TMEM272: variants seen among roughly 807,000 people sequenced by gnomAD.
TMEM272 encodes the protein transmembrane protein 272, also known as long intergenic non-protein coding RNA 282.
Under a neutral mutation model 3.7 loss-of-function variants are expected in TMEM272, and 8 were observed. The observed-to-expected ratio is 2.17, with a 90% CI of 1.27 to 3.91. TMEM272 has a LOEUF of 3.91. TMEM272 is among the 30% of genes most tolerant of loss of function. The pLI is 0.00. For synonymous variants in TMEM272, 63 were observed against 39.8 expected, an observed-to-expected ratio of 1.58 and a Z score of -2.20; for missense variants, 166 against 91.5, an observed-to-expected ratio of 1.81 and a Z score of -3.32.
chr13:51,930,024 T>C, the TMEM272 span, among the ~76,000 whole-genome samples: 3 of 152,204 alleles, frequency 2.0e-5, no homozygotes, highest in African/African-American at 7.2e-5. Context: ...CAGGAAGGCT[T>C]TGCTCCCTCC....
At chr13:51,907,640 A>G in the TMEM272 span, among the ~76,000 whole-genome samples, 2 of 152,168 alleles carry the variant, frequency 1.3e-5, no homozygotes, top group Non-Finnish European at 2.9e-5. Flanking sequence ...GCTCTTGCCC[A>G]TGTTTTTCCA....
chr13:51,852,736 G>T, the TMEM272 span, among the ~76,000 whole-genome samples: 171 of 152,114 alleles, frequency 1.1e-3, no homozygotes, highest in African/African-American at 3.9e-3. Flanking sequence ...AAAATTAGCC[G>T]GGCGTGGTGG....
chr13:51,821,668 CAA>C (rs386379191), intron 4 of TMEM272, among the ~76,000 whole-genome samples: 1 of 28,520 alleles, frequency 3.5e-5, no homozygotes. Flanking sequence ...TTTTTTTCCT[CAA>C]AAAAAAAAAA....
chr13:51,910,511 A>T, the TMEM272 span: 1 of 740,740 alleles, frequency 1.3e-6, no homozygotes, highest in Non-Finnish European at 2.5e-6. Context: ...ATGGAAAACC[A>T]TAAGGATTCG....
At chr13:51,840,791 T>G (rs1210288220) in intron 1 of TMEM272, among the ~76,000 whole-genome samples, 3 of 152,356 alleles carry the variant, frequency 2.0e-5, no homozygotes, top group Non-Finnish European at 4.4e-5. Flanking sequence ...CCCCACAATG[T>G]TCTTGCAAAA....
the TMEM272 span, among the ~76,000 whole-genome samples, chr13:51,932,097 T>C: frequency 6.6e-6 from 1 of 152,154 alleles, no homozygotes; most frequent in Admixed American, 6.5e-5. Flanking sequence ...TGTCCTGGCA[T>C]AACTATTCAT....
chr13:51,920,598 T>C, the TMEM272 span, among the ~76,000 whole-genome samples: 1 of 152,134 alleles, frequency 6.6e-6, no homozygotes, highest in African/African-American at 2.4e-5. Context: ...GTGCTGACCC[T>C]CCCAGCCGGG....
At chr13:51,928,003 A>T in the TMEM272 span, among the ~76,000 whole-genome samples, 1 of 152,156 alleles carries the variant, frequency 6.6e-6, no homozygotes, top group East Asian at 1.9e-4. Context: ...CTCCAAAGCC[A>T]GTGCTATTAA....
In TMEM272 at chr13:51,838,565, A is replaced by G; in HGVS notation, c.-23-12T>C. ...TCGCTGACAAAGTTCTGAGGATCAA[A>G]AATAATTCATTAGAAAGGATGGTGG... is the stretch of plus-strand genomic sequence containing the variant. On this transcript the variant is annotated splice_polypyrimidine_tract_variant and intron_variant, in intron 1 of 4. Transcript: ENST00000629372. The G allele has an allele frequency of 1.4e-6, 1 of 703,074 alleles. No homozygotes were observed. 43.6% of individuals were successfully genotyped at this position (703,074 alleles called of 1,614,324 possible).
the TMEM272 span, among the ~76,000 whole-genome samples, chr13:51,880,897 C>T: frequency 1.3e-5 from 2 of 152,162 alleles, no homozygotes; most frequent in Non-Finnish European, 2.9e-5. Context: ...CACTACAGAA[C>T]TTACACATGT....
chr13:51,819,523 C>T (rs1199074640), intron 4 of TMEM272, among the ~76,000 whole-genome samples: 2 of 152,202 alleles, frequency 1.3e-5, no homozygotes, highest in African/African-American at 2.4e-5. Context: ...AGGAAAGAGC[C>T]GTGGCAAGTG....
the TMEM272 span, among the ~76,000 whole-genome samples, chr13:51,911,732 G>C: frequency 6.6e-6 from 1 of 152,178 alleles, no homozygotes; most frequent in African/African-American, 2.4e-5. Flanking sequence ...TGACCTGACA[G>C]TGGGTGTTCA....
chr13:51,867,272 A>C, the TMEM272 span, among the ~76,000 whole-genome samples: 1 of 152,212 alleles, frequency 6.6e-6, no homozygotes, highest in Non-Finnish European at 1.5e-5. Context: ...CAGATGAGGA[A>C]ACAGAGACCT....
At chr13:51,893,699 G>A in the TMEM272 span, among the ~76,000 whole-genome samples, 5 of 152,180 alleles carry the variant, frequency 3.3e-5, no homozygotes, top group Admixed American at 1.3e-4. Flanking sequence ...GAATGTGATC[G>A]TGCTCAGAGG....
the TMEM272 span, among the ~76,000 whole-genome samples, chr13:51,862,708 G>A: frequency 6.6e-6 from 1 of 152,158 alleles, no homozygotes; most frequent in African/African-American, 2.4e-5. Context: ...GGATTCGCTA[G>A]GTGAACTGAA....
At chr13:51,834,568 C>T (rs1956199022) in intron 2 of TMEM272, among the ~76,000 whole-genome samples, 1 of 152,260 alleles carries the variant, frequency 6.6e-6, no homozygotes, top group African/African-American at 2.4e-5. Context: ...AGAATAAAAT[C>T]TACCACTCTC....
the TMEM272 span, among the ~76,000 whole-genome samples, chr13:51,857,623 C>A: frequency 2.0e-5 from 3 of 150,842 alleles, no homozygotes; most frequent in African/African-American, 7.3e-5. Context: ...AGGATAATTG[C>A]TAAAAGAATA....
intron 3 of TMEM272, among the ~76,000 whole-genome samples, chr13:51,823,071 G>A (rs1408869416): frequency 2.0e-5 from 3 of 152,142 alleles, no homozygotes; most frequent in Non-Finnish European, 2.9e-5. Context: ...ACACCTTGGG[G>A]CCAAAGCATT....
At chr13:51,882,665 C>T in the TMEM272 span, among the ~76,000 whole-genome samples, 1 of 151,496 alleles carries the variant, frequency 6.6e-6, no homozygotes, top group South Asian at 2.1e-4. Flanking sequence ...ATGGTGAAAC[C>T]TAAGTGATGG....
Sources: allele counts gnomAD v4.1 joint callset (sites outside exome capture counted in the v4.1 genomes callset), GRCh38; gene constraint gnomAD v4.1.1; transcripts MANE v1.5; gene names NCBI Gene and HGNC (gene_info 2026-07-23, HGNC 2026-07-21).